CYFIP1: variants seen among roughly 807,000 people sequenced by gnomAD.
The protein encoded by CYFIP1 is cytoplasmic FMR1 interacting protein 1.
A neutral mutation model predicts 163.5 loss-of-function variants in CYFIP1; 58 were observed. The observed-to-expected ratio is 0.35, with a 90% CI of 0.29 to 0.44. The LOEUF is 0.44. Among genes scored for constraint, CYFIP1 ranks in the 20% least tolerant of loss-of-function variants. The pLI is 1.00. For missense variants in CYFIP1, 1,338 were observed against 1,653.8 expected (o/e 0.81, Z 3.31); for synonymous variants, 663 against 660.7 (o/e 1.00, Z -0.05).
At chr15:22,966,394 A>AGGC (rs2062910083) in intron 1 of CYFIP1, among the ~76,000 whole-genome samples, 1 of 35,886 alleles carries the variant, frequency 2.8e-5, no homozygotes, top group African/African-American at 1.7e-4. Flanking sequence ...AAAAAAGACA[A>AGGC]GATTAGGACA....
chr15:22,951,417 T>C, intron 1 of CYFIP1: 1 of 1,289,346 alleles, frequency 7.8e-7, no homozygotes, highest in South Asian at 1.2e-5. Context: ...CAGCGCTGCC[T>C]GCAGAGCCAG....
At chr15:22,976,381 C>G (rs895993235) in intron 1 of CYFIP1, among the ~76,000 whole-genome samples, 2 of 152,192 alleles carry the variant, frequency 1.3e-5, no homozygotes, top group Non-Finnish European at 2.9e-5. Flanking sequence ...TGGTCTCGAA[C>G]TCCTGCCCTT....
intron 16 of CYFIP1, 90 bp downstream of exon 16, chr15:22,916,387 A>T: frequency 1.1e-6 from 1 of 940,304 alleles, no homozygotes; most frequent in Admixed American, 2.0e-5. Flanking sequence ...GGGACGGGGT[A>T]GGGGGTGGTC....
chr15:22,980,114 G>A (rs1421265046), intron 1 of CYFIP1, among the ~76,000 whole-genome samples, 173 bp downstream of exon 1: 1 of 147,784 alleles, frequency 6.8e-6, no homozygotes, highest in African/African-American at 2.5e-5. Context: ...TGGGGGACGC[G>A]GGGACCAGGA....
chr15:22,877,044 C>T (rs1325252842), intron 26 of CYFIP1, among the ~76,000 whole-genome samples: 2 of 152,040 alleles, frequency 1.3e-5, no homozygotes, highest in African/African-American at 2.4e-5. Context: ...TGGACATACA[C>T]AGAGGCTATG....
chr15:22,898,104 A>T (rs1443899638), intron 22 of CYFIP1, among the ~76,000 whole-genome samples: 1 of 152,156 alleles, frequency 6.6e-6, no homozygotes, highest in Non-Finnish European at 1.5e-5. Flanking sequence ...GAAGTCAGGG[A>T]GATCACAGGG....
At position 22,869,129 on chromosome 15, in the gene CYFIP1, C is replaced by A. The variant is rs1243949943; in HGVS notation, c.*899G>T. 1 of 152,226 alleles carries A rather than the reference C, an allele frequency of 6.6e-6. No individual in the cohort carries two copies. The highest frequency in any genetic ancestry group is 1.5e-5 in the Non-Finnish European group (1 of 68,078). The allele number at this position is 152,226 out of a possible 1,614,324, so 9.4% of individuals were successfully genotyped here. A position where few individuals can be genotyped will look rare whatever the true frequency, so the allele number is the denominator to read the frequency against. On this transcript the variant is annotated 3_prime_UTR_variant, in exon 31 of 31. Transcript: ENST00000617928. ...GAAGGCTGGACTCGGTGCTCCCGGT[C>A]CCTTTGTGCAGCACCCACTGGGCCT... is the stretch of plus-strand genomic sequence containing the variant.
intron 1 of CYFIP1, among the ~76,000 whole-genome samples, chr15:22,979,185 A>T (rs961614411): frequency 6.6e-6 from 1 of 152,076 alleles, no homozygotes; most frequent in African/African-American, 2.4e-5. Flanking sequence ...GCCCACTCAC[A>T]GCGTGACTCG....
chr15:22,908,663 G>A (rs140290947), intron 21 of CYFIP1, among the ~76,000 whole-genome samples: 4 of 150,558 alleles, frequency 2.7e-5, no homozygotes, highest in East Asian at 2.0e-4. Context: ...GGAGTAGCTC[G>A]GACTACAGGT....
In CYFIP1 at chr15:22,937,596, C is replaced by CTT. The variant is rs919893437; in HGVS notation, c.796-390_796-389dup. Among the ~76,000 whole-genome samples, 267 of 143,762 alleles carry CTT rather than the reference C, an allele frequency of 1.9e-3. 2 individuals carry two copies. The highest frequency in any genetic ancestry group is 2.4e-3 in the Non-Finnish European group (159 of 65,298). The allele number at this position is 143,762 out of a possible 152,430, so 94.3% of individuals were successfully genotyped here. ...TTTCGGTGTATGCAAACTAAAAATT[C>CTT]TTTTTTTGTTTTTTTTTTTTGAGAT... is the stretch of plus-strand genomic sequence containing the variant. On this transcript the variant is annotated intron_variant, in intron 8 of 30. Coordinates refer to ENST00000617928, the MANE Select transcript of CYFIP1 (RefSeq NM_014608.6).
intron 21 of CYFIP1, among the ~76,000 whole-genome samples, chr15:22,907,458 G>A (rs1179825398): frequency 1.3e-5 from 2 of 152,194 alleles, no homozygotes; most frequent in East Asian, 1.9e-4. Context: ...GCCCTAGGCC[G>A]ACCAATACCA....
At chr15:22,920,429 T>C (rs568080859) in intron 13 of CYFIP1, among the ~76,000 whole-genome samples, 2 of 152,264 alleles carry the variant, frequency 1.3e-5, no homozygotes, top group Admixed American at 1.3e-4. Flanking sequence ...CCTCTATCAC[T>C]TTCTGGTTTT....
intron 1 of CYFIP1, among the ~76,000 whole-genome samples, chr15:22,960,928 G>A (rs185047687): frequency 5.3e-5 from 8 of 152,162 alleles, no homozygotes; most frequent in East Asian, 1.9e-4. Context: ...GTAGCATGGC[G>A]CTTCCCAACA....
At chr15:22,897,904 G>A (rs996147472) in intron 22 of CYFIP1, among the ~76,000 whole-genome samples, 1 of 152,194 alleles carries the variant, frequency 6.6e-6, no homozygotes, top group Non-Finnish European at 1.5e-5. Flanking sequence ...TTCAAGCAAA[G>A]GCTATGGGAT....
intron 22 of CYFIP1, among the ~76,000 whole-genome samples, chr15:22,897,481 T>G (rs970861005): frequency 8.6e-5 from 13 of 151,040 alleles, no homozygotes; most frequent in African/African-American, 2.0e-4. Flanking sequence ...CAGGGTTGTT[T>G]TTTTTTTTTG....
chr15:22,909,726 T>A (rs2060718022), intron 20 of CYFIP1, among the ~76,000 whole-genome samples: 1 of 152,152 alleles, frequency 6.6e-6, no homozygotes, highest in Non-Finnish European at 1.5e-5. Context: ...AATTTTTAAT[T>A]TTTTTTCTTT....
At chr15:22,950,274 C>G (rs532665660) in intron 1 of CYFIP1, among the ~76,000 whole-genome samples, 6 of 152,120 alleles carry the variant, frequency 3.9e-5, no homozygotes, top group Non-Finnish European at 8.8e-5. Context: ...TATACTGATA[C>G]AGGTAGGTAA....
At chr15:22,922,090 A>G (rs1294047029) in intron 13 of CYFIP1, among the ~76,000 whole-genome samples, 1 of 152,178 alleles carries the variant, frequency 6.6e-6, no homozygotes, top group Non-Finnish European at 1.5e-5. Flanking sequence ...GCACATCCCC[A>G]AGAAAGGCCC....
At chr15:22,921,298 G>A (rs1267868450) in intron 13 of CYFIP1, among the ~76,000 whole-genome samples, 4 of 152,000 alleles carry the variant, frequency 2.6e-5, no homozygotes, top group Admixed American at 6.6e-5. Flanking sequence ...AAACTGGGAG[G>A]TGGAGGTTGC....
Sources: gnomAD v4.1 joint callset for allele counts (sites outside exome capture counted in the v4.1 genomes callset) on GRCh38, gnomAD v4.1.1 for gene constraint, MANE v1.5 for transcripts, NCBI Gene and HGNC (gene_info 2026-07-23, HGNC 2026-07-21) for gene names.